DISC1: variants seen among roughly 807,000 people sequenced by gnomAD.
DISC1 encodes the protein disrupted in schizophrenia 1 protein.
Under a neutral mutation model 84.5 loss-of-function variants are expected in DISC1, and 57 were observed. The ratio of observed to expected loss-of-function variants is 0.67; its 90% CI spans 0.55 to 0.84. DISC1 has a LOEUF of 0.84. DISC1 is among the 40% of genes least tolerant of loss of function. DISC1 has a pLI of 0.00. For synonymous variants in DISC1, 411 were observed against 415.2 expected (o/e 0.99, Z 0.12); for missense variants, 1,000 against 1,057.8 (o/e 0.95, Z 0.76).
chr1:231,713,751 TATATATATAGGAG>T (rs1558401265), intron 3 of DISC1, among the ~76,000 whole-genome samples: 1 of 72,962 alleles, frequency 1.4e-5, no homozygotes. Context: ...ATATAGGAGA[TATATATATAGGAG>T]ATATATATAT....
At chr1:231,966,866 G>C (rs1419581457) in intron 10 of DISC1, among the ~76,000 whole-genome samples, 3 of 152,150 alleles carry the variant, frequency 2.0e-5, no homozygotes, top group South Asian at 2.1e-4. Context: ...TTTGCTTCCA[G>C]TGTGCATCAC....
chr1:231,707,781 C>G (rs2067268969), intron 3 of DISC1, among the ~76,000 whole-genome samples: 1 of 152,108 alleles, frequency 6.6e-6, no homozygotes, highest in African/African-American at 2.4e-5. Flanking sequence ...AGACACAATC[C>G]TGAATGCCAT....
intron 6 of DISC1, among the ~76,000 whole-genome samples, chr1:231,794,844 C>T: frequency 6.6e-6 from 1 of 152,126 alleles, no homozygotes; most frequent in East Asian, 1.9e-4. Context: ...TGCTGAATTG[C>T]ATTGTCTACC....
At chr1:231,893,329 G>A (rs554538821) in intron 9 of DISC1, among the ~76,000 whole-genome samples, 3 of 152,180 alleles carry the variant, frequency 2.0e-5, no homozygotes, top group African/African-American at 7.2e-5. Context: ...AATAAAATTC[G>A]ATAGTCTAGA....
At chr1:231,707,323 C>T (rs941192456) in intron 3 of DISC1, among the ~76,000 whole-genome samples, 4 of 152,196 alleles carry the variant, frequency 2.6e-5, no homozygotes, top group Non-Finnish European at 4.4e-5. Context: ...GCAATTTCCA[C>T]CTGCAGCTCC....
chr1:231,987,079 A>G (rs1664553816), intron 10 of DISC1, among the ~76,000 whole-genome samples: 1 of 152,218 alleles, frequency 6.6e-6, no homozygotes, highest in Non-Finnish European at 1.5e-5. Flanking sequence ...CGTTCTCCCT[A>G]CGTCAACTCT....
At chr1:231,762,715 C>G (rs887334033) in intron 4 of DISC1, among the ~76,000 whole-genome samples, 4 of 151,896 alleles carry the variant, frequency 2.6e-5, no homozygotes, top group Non-Finnish European at 5.9e-5. Context: ...CCGATACAAA[C>G]ATTGAGATCC....
chr1:231,632,993 C>T (rs2058860562), intron 1 of DISC1, among the ~76,000 whole-genome samples: 1 of 152,200 alleles, frequency 6.6e-6, no homozygotes, highest in South Asian at 2.1e-4. Flanking sequence ...ATCGCTTGAA[C>T]CTGGGAGGCA....
chr1:231,735,701 T>C (rs2072389488), intron 3 of DISC1, among the ~76,000 whole-genome samples: 1 of 152,256 alleles, frequency 6.6e-6, no homozygotes, highest in Admixed American at 6.5e-5. Context: ...ATTGTGAGGA[T>C]AAAATGATTG....
intron 3 of DISC1, chr1:231,723,824 G>A: frequency 1.0e-6 from 1 of 985,250 alleles, no homozygotes; most frequent in Non-Finnish European, 1.2e-6. Context: ...CCTCTTTTTT[G>A]TTGGTTGTGG....
At chr1:231,860,219 T>C (rs2084549194) in intron 9 of DISC1, among the ~76,000 whole-genome samples, 1 of 152,206 alleles carries the variant, frequency 6.6e-6, no homozygotes, top group Admixed American at 6.5e-5. Context: ...ATCTGATTGA[T>C]TTTTCTAGTT....
At chr1:231,714,707 T>C (rs1401392084) in intron 3 of DISC1, among the ~76,000 whole-genome samples, 1 of 141,984 alleles carries the variant, frequency 7.0e-6, no homozygotes, top group Admixed American at 7.0e-5. Flanking sequence ...AGATAGGGAT[T>C]GAGAGAGAGA....
intron 1 of DISC1, among the ~76,000 whole-genome samples, chr1:231,641,684 C>T (rs189263234): frequency 8.7e-4 from 133 of 152,318 alleles, no homozygotes; most frequent in African/African-American, 3.2e-3. Context: ...TTTGACAGGG[C>T]GCTGATTGGT....
chr1:231,872,227 G>T (rs1235104716), intron 9 of DISC1, among the ~76,000 whole-genome samples: 1 of 152,108 alleles, frequency 6.6e-6, no homozygotes, highest in East Asian at 1.9e-4. Flanking sequence ...AAGTACTTCA[G>T]TCTCTTCAAC....
chr1:231,801,901 C>G (rs2079298476), intron 8 of DISC1, among the ~76,000 whole-genome samples: 1 of 151,366 alleles, frequency 6.6e-6, no homozygotes, highest in South Asian at 2.1e-4. Context: ...TCACTGCAAG[C>G]TCTGCCTCCT....
chr1:231,978,513 A>T (rs760731831), intron 10 of DISC1, among the ~76,000 whole-genome samples: 1 of 152,314 alleles, frequency 6.6e-6, no homozygotes, highest in Non-Finnish European at 1.5e-5. Flanking sequence ...TAATGCATCC[A>T]TTTGCAGAAT....
chr1:231,860,131 C>T (rs7532753), intron 9 of DISC1, among the ~76,000 whole-genome samples: 7,959 of 152,212 alleles, frequency 0.052, 693 homozygotes, highest in African/African-American at 0.18. Context: ...CATACAATTT[C>T]ATATTTGCAA....
intron 10 of DISC1, among the ~76,000 whole-genome samples, chr1:232,001,501 G>T (rs912584390): frequency 1.1e-4 from 16 of 152,212 alleles, no homozygotes; most frequent in African/African-American, 3.9e-4. Context: ...AATACACAGA[G>T]CAATTATTAT....
chr1:231,986,321 A>G (rs1345533514), intron 10 of DISC1, among the ~76,000 whole-genome samples: 1 of 152,196 alleles, frequency 6.6e-6, no homozygotes, highest in Non-Finnish European at 1.5e-5. Flanking sequence ...TGGGAATTCA[A>G]TGGATGCATA....
Sources: allele counts gnomAD v4.1 joint callset (sites outside exome capture counted in the v4.1 genomes callset), GRCh38; gene constraint gnomAD v4.1.1; transcripts MANE v1.5; gene names NCBI Gene and HGNC (gene_info 2026-07-23, HGNC 2026-07-21).